Variants in TLN2 observed in about 807,000 individuals in gnomAD.
The protein encoded by TLN2 is talin 2.
TLN2 carries 118 observed loss-of-function variants against 294.7 expected under a neutral mutation model. The ratio of observed to expected loss-of-function variants is 0.40; its 90% CI spans 0.34 to 0.47. TLN2 has a LOEUF of 0.47. Ranked by LOEUF, TLN2 falls within the 20% of genes least tolerant of loss-of-function variation. The pLI, the probability that TLN2 is intolerant of heterozygous loss-of-function variation, is 0.84. For synonymous variants in TLN2, 1,431 were observed against 1,304.5 expected, an observed-to-expected ratio of 1.10 and a Z score of -2.09; for missense variants, 3,083 against 3,282.2, an observed-to-expected ratio of 0.94 and a Z score of 1.48.
rs565966332 is a variant in TLN2, at chr15:62,481,679, T to A, written c.-238+90994T>A. Among the ~76,000 whole-genome samples, 73 of 152,252 alleles carry A rather than the reference T, an allele frequency of 4.8e-4. 1 individual carries two copies. Among genetic ancestry groups the A allele is most frequent in the South Asian group, 1.0e-3 (5 of 4,826 alleles). Reference sequence around the variant, plus strand: ...CCCAGCCAAGAAAGTGCTTTTTTTTTAAATGAAAATAATATTGTTTTTATA... The same window carrying A: ...CCCAGCCAAGAAAGTGCTTTTTTTTAAAATGAAAATAATATTGTTTTTATA... On this transcript the variant is annotated intron_variant, in intron 1 of 58. Transcript: ENST00000636159.
intron 1 of TLN2, among the ~76,000 whole-genome samples, chr15:62,409,971 C>T (rs1305904713): frequency 1.3e-5 from 2 of 152,168 alleles, no homozygotes; most frequent in Admixed American, 1.3e-4. Context: ...GGTCCGGGTG[C>T]AGTGGCTCAC....
At chr15:62,834,802 A>G (rs1285073148) in intron 55 of TLN2, 3 of 152,208 alleles carry the variant, frequency 2.0e-5, no homozygotes, top group Non-Finnish European at 4.4e-5. Flanking sequence ...TTTAAAAAAA[A>G]AATCCTGGTT....
chr15:62,460,311 G>A (rs563566339), intron 1 of TLN2, among the ~76,000 whole-genome samples: 89 of 151,532 alleles, frequency 5.9e-4, no homozygotes, highest in African/African-American at 1.8e-3. Flanking sequence ...TGTTGCCCAG[G>A]CTGGAGTGCA....
intron 16 of TLN2, among the ~76,000 whole-genome samples, chr15:62,699,216 A>G (rs535529887): frequency 1.4e-4 from 21 of 152,296 alleles, no homozygotes; most frequent in African/African-American, 4.8e-4. Context: ...TGAAGATGCA[A>G]TGATCTAATC....
At position 62,842,715 on chromosome 15, in the gene TLN2, A is replaced by C. The variant is rs1301261148; in HGVS notation, c.*2105A>C. On this transcript the variant is annotated 3_prime_UTR_variant, in exon 59 of 59. Transcript: ENST00000636159. ...TGATACCAGAAAAGCCTCCAGAGACAAACCAAATGCAAAGGCCTTTCCTTT... is the reference window on the plus strand; with the variant it reads ...TGATACCAGAAAAGCCTCCAGAGACCAACCAAATGCAAAGGCCTTTCCTTT... 6.6e-6 allele frequency: 1 copy of C among 152,198 alleles called. No individual in the cohort carries two copies. The highest frequency in any genetic ancestry group is 1.9e-4 in the East Asian group (1 of 5,194). 9.4% of individuals were successfully genotyped at this position (152,198 alleles called of 1,614,324 possible). A position where few individuals can be genotyped will look rare whatever the true frequency, so the allele number is the denominator to read the frequency against.
At chr15:62,428,859 T>C (rs755035466) in intron 1 of TLN2, among the ~76,000 whole-genome samples, 1 of 152,226 alleles carries the variant, frequency 6.6e-6, no homozygotes, top group Admixed American at 6.5e-5. Context: ...ATTAATAATA[T>C]GAATTTAGTA....
chr15:62,459,644 C>T (rs2036680981), intron 1 of TLN2, among the ~76,000 whole-genome samples: 2 of 152,146 alleles, frequency 1.3e-5, no homozygotes, highest in African/African-American at 2.4e-5. Flanking sequence ...CTTGTTTGGG[C>T]CCTTTAGTGC....
In TLN2 at chr15:62,495,945, C is replaced by CAA. The variant is rs35350561; in HGVS notation, c.-237-93730_-237-93729dup. Among the ~76,000 whole-genome samples, 100 of 123,934 alleles carry CAA rather than the reference C, an allele frequency of 8.1e-4. 1 individual carries two copies. Among genetic ancestry groups the CAA allele is most frequent in the South Asian group, 6.2e-3 (23 of 3,736 alleles). The allele number at this position is 123,934 out of a possible 152,430, so 81.3% of individuals were successfully genotyped here. ...GACCTCTTATCTGTAAGTTCTAGGC[C>CAA]AAAAAAAAAAAAACAAAAACCAAAA... On this transcript the variant is annotated intron_variant, in intron 1 of 58. Coordinates refer to ENST00000636159, the MANE Select transcript of TLN2 (RefSeq NM_015059.3).
intron 1 of TLN2, among the ~76,000 whole-genome samples, chr15:62,414,839 G>C (rs950203309): frequency 1.4e-5 from 2 of 141,216 alleles, no homozygotes; most frequent in African/African-American, 5.1e-5. Context: ...AGCAGACTCT[G>C]GTTGTGACCC....
At chr15:62,713,504 C>T (rs908733625) in intron 22 of TLN2, among the ~76,000 whole-genome samples, 1 of 151,902 alleles carries the variant, frequency 6.6e-6, no homozygotes. Context: ...CATGGCAAAA[C>T]CCTGTCTCTA....
intron 1 of TLN2, among the ~76,000 whole-genome samples, chr15:62,522,302 T>C (rs1275527189): frequency 6.6e-6 from 1 of 152,206 alleles, no homozygotes; most frequent in Non-Finnish European, 1.5e-5. Context: ...AAAAAGAGAA[T>C]CTGTGTCAGT....
intron 2 of TLN2, among the ~76,000 whole-genome samples, chr15:62,610,069 G>A (rs2140818107): frequency 6.6e-6 from 1 of 152,282 alleles, no homozygotes; most frequent in South Asian, 2.1e-4. Flanking sequence ...AGACTTAGGA[G>A]GGGGTGCCAT....
At chr15:62,431,607 A>C (rs555630222) in intron 1 of TLN2, among the ~76,000 whole-genome samples, 2 of 152,324 alleles carry the variant, frequency 1.3e-5, no homozygotes, top group African/African-American at 4.8e-5. Context: ...AACATTGACA[A>C]GTGGCTTGTT....
intron 50 of TLN2, 130 bp from the exon 51 acceptor site, chr15:62,805,470 C>T (rs2066213698): frequency 7.4e-6 from 7 of 944,398 alleles, no homozygotes; most frequent in Non-Finnish European, 9.2e-6. Context: ...TTTCTAATTT[C>T]GCCATGTGAC....
rs1158144919 is a variant in TLN2 at position 62,689,846 on chromosome 15, C to CTTTT, written c.1114-2966_1114-2963dup. ...TTTTCAAAATTCTTGGTATGGGCTT[C>CTTTT]TTTTTTTTTTTTTTTTTTTTTTTTT... On this transcript the variant is annotated intron_variant, in intron 12 of 58. Transcript: ENST00000636159. Among the ~76,000 whole-genome samples, 74 of 15,416 alleles carry CTTTT rather than the reference C, an allele frequency of 4.8e-3. 7 individuals are homozygous for CTTTT. Among genetic ancestry groups the CTTTT allele is most frequent in the African/African-American group, 8.2e-3 (58 of 7,072 alleles). 10.1% of individuals were successfully genotyped at this position (15,416 alleles called of 152,430 possible).
chr15:62,504,764 TG>T (rs2039496251), intron 1 of TLN2, among the ~76,000 whole-genome samples: 1 of 151,272 alleles, frequency 6.6e-6, no homozygotes, highest in Non-Finnish European at 1.5e-5. Flanking sequence ...GGAGCCAGAG[TG>T]CTAAGTGCTG....
At chr15:62,449,314 G>A (rs2035977833) in intron 1 of TLN2, among the ~76,000 whole-genome samples, 1 of 152,142 alleles carries the variant, frequency 6.6e-6, no homozygotes, top group African/African-American at 2.4e-5. Flanking sequence ...TTCTAGGGGA[G>A]GGTCTTTGTC....
chr15:62,801,961 T>C (rs978646010), intron 50 of TLN2, among the ~76,000 whole-genome samples: 2 of 152,246 alleles, frequency 1.3e-5, no homozygotes, highest in Non-Finnish European at 2.9e-5. Flanking sequence ...TGTGTTACAA[T>C]CCAATTATAC....
At chr15:62,660,813 T>C (rs1316256161) in intron 9 of TLN2, among the ~76,000 whole-genome samples, 1 of 152,214 alleles carries the variant, frequency 6.6e-6, no homozygotes, top group African/African-American at 2.4e-5. Flanking sequence ...TACTAATTCC[T>C]TGCTGTTTTT....
Sources: allele counts gnomAD v4.1 joint callset (sites outside exome capture counted in the v4.1 genomes callset), GRCh38; gene constraint gnomAD v4.1.1; transcripts MANE v1.5; gene names NCBI Gene and HGNC (gene_info 2026-07-23, HGNC 2026-07-21).